SPAG16: variants seen among roughly 807,000 people sequenced by gnomAD.
The protein encoded by SPAG16 is sperm-associated antigen 16 protein.
Under a neutral mutation model 80.4 loss-of-function variants are expected in SPAG16, and 86 were observed. That is an observed-to-expected ratio of 1.07 (90% CI 0.90 to 1.28). The LOEUF (loss-of-function observed/expected upper bound fraction) is 1.28, where lower values mean the gene tolerates loss of function less well. Among genes scored for constraint, SPAG16 ranks in the 50% most tolerant of loss-of-function variants. The probability of loss-of-function intolerance (pLI) is 0.00; values close to 1 mark genes in which losing one functional copy is unlikely to be tolerated. For missense variants in SPAG16, 870 were observed against 765.3 expected, an observed-to-expected ratio of 1.14 and a Z score of -1.61; for synonymous variants, 294 against 265.9, an observed-to-expected ratio of 1.11 and a Z score of -1.03.
intron 14 of SPAG16, among the ~76,000 whole-genome samples, chr2:214,129,546 A>G (rs1337575736): frequency 6.6e-6 from 1 of 152,168 alleles, no homozygotes; most frequent in African/African-American, 2.4e-5. Flanking sequence ...TCACCAGAAG[A>G]TATGCAATTG....
intron 13 of SPAG16, 117 bp downstream of exon 13, chr2:214,014,194 G>A (rs2124965116): frequency 7.6e-7 from 1 of 1,317,514 alleles, no homozygotes; most frequent in African/African-American, 1.5e-5. Context: ...CAGGGCAAAA[G>A]AACAGTAAAA....
chr2:213,784,565 C>T (rs2070208927), intron 10 of SPAG16, among the ~76,000 whole-genome samples: 1 of 135,800 alleles, frequency 7.4e-6, no homozygotes, highest in African/African-American at 2.8e-5. Flanking sequence ...AATTGTATCA[C>T]TTACAGTAAA....
chr2:213,485,556 A>AT lies in SPAG16; in HGVS notation c.943-4396dup, dbSNP rs369309533. Among the ~76,000 whole-genome samples the AT allele has an allele frequency of 1.4e-3, 202 of 142,216 alleles. 1 individual carries two copies. Among genetic ancestry groups the AT allele is most frequent in the Admixed American group, 2.9e-3 (42 of 14,342 alleles). 93.3% of individuals were successfully genotyped at this position (142,216 alleles called of 152,430 possible). On this transcript the variant is annotated intron_variant, in intron 9 of 15. Transcript: ENST00000331683. ...CTACTCTAGCTTTTTCCAGTGATGC[A>AT]TTTTTTTTTTTCATTTATGCTGTGT...
intron 9 of SPAG16, among the ~76,000 whole-genome samples, chr2:213,471,541 G>A (rs1451670333): frequency 6.6e-6 from 1 of 152,172 alleles, no homozygotes; most frequent in Non-Finnish European, 1.5e-5. Context: ...TGCAGAAGAT[G>A]GCAGGGCCTG....
chr2:214,354,558 G>A (rs1158627320), intron 15 of SPAG16, among the ~76,000 whole-genome samples: 1 of 151,980 alleles, frequency 6.6e-6, no homozygotes, highest in African/African-American at 2.4e-5. Flanking sequence ...AGCTTGATGG[G>A]GATGGCATTG....
Position 213,789,914 on chromosome 2 carries a change from T to C in SPAG16, c.1071-72571T>C, listed in dbSNP as rs184735093. ...CGGTAACGATATCATTATCATCCAA[T>C]GTATTTTGAGTCAAAACTGTGGTAT... On this transcript the variant is annotated intron_variant, in intron 10 of 15. Transcript: ENST00000331683. 3.9e-5 allele frequency among the ~76,000 whole-genome samples: 6 copies of C among 152,106 alleles called. No homozygotes were observed. In the East Asian group the frequency reaches 9.6e-4, roughly 24 times the overall value.
chr2:213,929,383 T>G (rs1307504155), intron 11 of SPAG16, among the ~76,000 whole-genome samples: 1 of 152,182 alleles, frequency 6.6e-6, no homozygotes, highest in African/African-American at 2.4e-5. Context: ...TAAGATCTAC[T>G]GATTACCGAA....
chr2:214,282,794 C>G (rs200405141), intron 15 of SPAG16, among the ~76,000 whole-genome samples: 3 of 152,088 alleles, frequency 2.0e-5, no homozygotes, highest in East Asian at 3.8e-4. Flanking sequence ...AGTGCTGGAA[C>G]CAGATTTCAA....
At chr2:214,100,089 T>C (rs575834372) in intron 13 of SPAG16, among the ~76,000 whole-genome samples, 5 of 152,092 alleles carry the variant, frequency 3.3e-5, no homozygotes, top group African/African-American at 1.2e-4. Flanking sequence ...GTTCTCATGA[T>C]AGTGAGTGAG....
At chr2:214,235,337 C>T (rs982290672) in intron 15 of SPAG16, among the ~76,000 whole-genome samples, 4 of 151,998 alleles carry the variant, frequency 2.6e-5, no homozygotes, top group African/African-American at 9.7e-5. Context: ...CATATTTTCT[C>T]CAATAAATAA....
At chr2:214,097,662 T>C (rs2052687762) in intron 13 of SPAG16, among the ~76,000 whole-genome samples, 1 of 151,610 alleles carries the variant, frequency 6.6e-6, no homozygotes. Context: ...AAACTTGCAA[T>C]GTGTGTGTGT....
chr2:214,185,512 A>G (rs2057439581), intron 15 of SPAG16, among the ~76,000 whole-genome samples: 1 of 152,186 alleles, frequency 6.6e-6, no homozygotes, highest in Non-Finnish European at 1.5e-5. Context: ...AGTCTACAGA[A>G]TGATGATGAG....
At position 213,540,722 on chromosome 2, in the gene SPAG16, G is replaced by A. The variant is rs74726337; in HGVS notation, c.1070+50632G>A. ...ATTTGGAGAAGTTGGAGAATGTTCA[G>A]TGAAATAGCATATAATTATGCATTT... On this transcript the variant is annotated intron_variant, in intron 10 of 15. Transcript: ENST00000331683. 2.2e-3 allele frequency among the ~76,000 whole-genome samples: 335 copies of A among 152,346 alleles called. 1 individual carries two copies. The highest frequency in any genetic ancestry group is 7.6e-3 in the African/African-American group (317 of 41,588).
chr2:214,268,518 A>T (rs1438856741), intron 15 of SPAG16, among the ~76,000 whole-genome samples: 1 of 151,958 alleles, frequency 6.6e-6, no homozygotes, highest in Non-Finnish European at 1.5e-5. Flanking sequence ...AACTAAGAGG[A>T]CATTGTCTTA....
At chr2:213,431,236 A>G (rs2070276822) in intron 9 of SPAG16, among the ~76,000 whole-genome samples, 1 of 152,148 alleles carries the variant, frequency 6.6e-6, no homozygotes, top group East Asian at 1.9e-4. Flanking sequence ...GGGAAAAAAA[A>G]GAATCTACAA....
At chr2:214,379,513 T>TAATA (rs1210882317) in intron 15 of SPAG16, among the ~76,000 whole-genome samples, 1 of 152,208 alleles carries the variant, frequency 6.6e-6, no homozygotes, top group Non-Finnish European at 1.5e-5. Context: ...TGTCTCCTTC[T>TAATA]AATACTCTCC....
At chr2:213,749,745 A>C (rs1449292015) in intron 10 of SPAG16, among the ~76,000 whole-genome samples, 1 of 152,130 alleles carries the variant, frequency 6.6e-6, no homozygotes, top group Non-Finnish European at 1.5e-5. Context: ...GTTTGATTTT[A>C]TTTTGTTCTC....
intron 10 of SPAG16, among the ~76,000 whole-genome samples, chr2:213,740,109 C>T (rs2067476997): frequency 1.3e-5 from 2 of 152,008 alleles, no homozygotes; most frequent in Admixed American, 6.6e-5. Context: ...AATCATATTA[C>T]ATTACACATT....
chr2:213,611,132 G>A (rs2061427880), intron 10 of SPAG16, among the ~76,000 whole-genome samples: 1 of 152,098 alleles, frequency 6.6e-6, no homozygotes, highest in Non-Finnish European at 1.5e-5. Context: ...ACCCCACTAG[G>A]GGTTGGGGGT....
Sources: gnomAD v4.1 joint callset for allele counts (sites outside exome capture counted in the v4.1 genomes callset) on GRCh38, gnomAD v4.1.1 for gene constraint, MANE v1.5 for transcripts, NCBI Gene and HGNC (gene_info 2026-07-23, HGNC 2026-07-21) for gene names.